Variants in GRIN2A observed in about 807,000 individuals in gnomAD.
GRIN2A encodes the protein glutamate ionotropic receptor NMDA type subunit 2A, also known as glutamate receptor ionotropic, NMDA 2A.
In GRIN2A, 22 loss-of-function variants were observed where a neutral mutation model predicts 113.4. That is an observed-to-expected ratio of 0.19 (90% CI 0.14 to 0.28). The LOEUF is 0.28. Ranked by LOEUF, GRIN2A falls within the 10% of genes least tolerant of loss-of-function variation. The pLI, the probability that GRIN2A is intolerant of heterozygous loss-of-function variation, is 1.00. For missense variants in GRIN2A, 1,502 were observed against 1,887.0 expected (o/e 0.80, Z 3.78); for synonymous variants, 827 against 738.4 (o/e 1.12, Z -1.94).
At chr16:10,037,644 G>A (rs2047060257) in intron 2 of GRIN2A, among the ~76,000 whole-genome samples, 1 of 151,932 alleles carries the variant, frequency 6.6e-6, no homozygotes, top group African/African-American at 2.4e-5. Context: ...TTATTTTTTA[G>A]AGACAGGGTC....
chr16:10,045,624 C>T (rs1313860640), intron 2 of GRIN2A, among the ~76,000 whole-genome samples: 1 of 152,204 alleles, frequency 6.6e-6, no homozygotes, highest in Admixed American at 6.5e-5. Context: ...AGACCAATGG[C>T]CCATTCTGGC....
chr16:9,937,640 T>G (rs1435557388), intron 3 of GRIN2A: 1 of 374,656 alleles, frequency 2.7e-6, no homozygotes, highest in Non-Finnish European at 5.0e-6. Context: ...TTCAAATCTT[T>G]ATGAGTTACA....
chr16:10,124,557 G>C (rs561971262), intron 2 of GRIN2A, among the ~76,000 whole-genome samples: 1 of 152,324 alleles, frequency 6.6e-6, no homozygotes, highest in Non-Finnish European at 1.5e-5. Context: ...CTCAGATACA[G>C]ACAGGGGCAC....
intron 7 of GRIN2A, among the ~76,000 whole-genome samples, chr16:9,835,445 T>C (rs1213868543): frequency 3.3e-5 from 5 of 152,142 alleles, no homozygotes; most frequent in Non-Finnish European, 7.4e-5. Context: ...ACTATTCAAC[T>C]TGATTGAGGA....
chr16:10,129,802 C>G (rs542801905), intron 2 of GRIN2A, among the ~76,000 whole-genome samples: 250 of 152,308 alleles, frequency 1.6e-3, no homozygotes, highest in African/African-American at 4.6e-3. Context: ...GTTTTGTCAT[C>G]GTTCTTACTC....
chr16:9,780,163 A>C (rs574922435), intron 11 of GRIN2A, among the ~76,000 whole-genome samples: 10 of 152,364 alleles, frequency 6.6e-5, no homozygotes, highest in Non-Finnish European at 1.2e-4. Context: ...CACTGCTGGC[A>C]GGAATGTAAA....
intron 8 of GRIN2A, among the ~76,000 whole-genome samples, chr16:9,832,952 C>G (rs191372944): frequency 6.6e-6 from 1 of 152,174 alleles, no homozygotes; most frequent in East Asian, 1.9e-4. Context: ...TTGAGTATTT[C>G]CAATATTAAA....
chr16:10,173,021 C>A (rs1307568577), intron 2 of GRIN2A, among the ~76,000 whole-genome samples: 2 of 152,176 alleles, frequency 1.3e-5, no homozygotes, highest in Non-Finnish European at 2.9e-5. Flanking sequence ...GCAAACCCAC[C>A]AGACCACAGC....
At position 9,809,109 on chromosome 16, in the gene GRIN2A, G is replaced by T. The variant is rs552382489; in HGVS notation, c.2169-10645C>A. Among the ~76,000 whole-genome samples, 396 of 133,042 alleles carry T rather than the reference G, an allele frequency of 3.0e-3. 5 individuals carry two copies. Among genetic ancestry groups the T allele is most frequent in the Non-Finnish European group, 7.4e-4 (46 of 62,254 alleles). 87.3% of individuals were successfully genotyped at this position (133,042 alleles called of 152,430 possible). A position where few individuals can be genotyped will look rare whatever the true frequency, so the allele number is the denominator to read the frequency against. On this transcript the variant is annotated intron_variant, in intron 10 of 12. Transcript: ENST00000330684. ...TCCACAGAATAAAATTTTATTCTGT[G>T]TGGACATATATTAATATATACAAAT...
chr16:10,159,220 A>G (rs1097844), intron 2 of GRIN2A, among the ~76,000 whole-genome samples: 18,475 of 152,142 alleles, frequency 0.12, 1,583 homozygotes, highest in East Asian at 0.37. Flanking sequence ...TCCGTCCCTC[A>G]TGTTCCTTCC....
At chr16:9,802,972 T>C (rs1903456594) in intron 10 of GRIN2A, among the ~76,000 whole-genome samples, 1 of 152,068 alleles carries the variant, frequency 6.6e-6, no homozygotes, top group Admixed American at 6.5e-5. Context: ...AAAGTCTACT[T>C]TTGATCCGTT....
intron 11 of GRIN2A, 23 bp downstream of exon 11, chr16:9,798,254 A>G (rs1327332052): frequency 1.2e-6 from 2 of 1,603,910 alleles, no homozygotes; most frequent in East Asian, 2.2e-5. Context: ...CCCCCTAAAG[A>G]AAGGGGTCAC....
intron 2 of GRIN2A, among the ~76,000 whole-genome samples, chr16:9,947,041 A>C (rs1465742161): frequency 6.6e-6 from 1 of 152,216 alleles, no homozygotes; most frequent in African/African-American, 2.4e-5. Context: ...GCTAGGAAAA[A>C]AATAATGTAA....
chr16:9,842,928 C>A (rs1463120133), intron 5 of GRIN2A, among the ~76,000 whole-genome samples: 2 of 136,450 alleles, frequency 1.5e-5, no homozygotes, highest in East Asian at 4.2e-4. Context: ...GTGACTCTGT[C>A]GAGAGAAAGA....
At chr16:9,976,437 G>T (rs1328730764) in intron 2 of GRIN2A, among the ~76,000 whole-genome samples, 1 of 152,162 alleles carries the variant, frequency 6.6e-6, no homozygotes. Flanking sequence ...AGATCCCGGT[G>T]TTCTGATCCT....
intron 9 of GRIN2A, among the ~76,000 whole-genome samples, chr16:9,827,952 T>A (rs937423457): frequency 3.3e-5 from 5 of 152,212 alleles, no homozygotes; most frequent in Admixed American, 1.3e-4. Context: ...AATTTGTTTC[T>A]TCCTTGATGT....
chr16:10,041,976 A>T (rs2047174256), intron 2 of GRIN2A, among the ~76,000 whole-genome samples: 2 of 152,110 alleles, frequency 1.3e-5, no homozygotes. Flanking sequence ...TTACACCATA[A>T]TTAGCAAGAC....
chr16:9,993,398 T>A (rs1202142513), intron 2 of GRIN2A, among the ~76,000 whole-genome samples: 1 of 151,600 alleles, frequency 6.6e-6, no homozygotes. Flanking sequence ...AAAAAATTTT[T>A]AAAAAGAAAT....
At chr16:10,153,109 A>C (rs1033164172) in intron 2 of GRIN2A, among the ~76,000 whole-genome samples, 1 of 152,182 alleles carries the variant, frequency 6.6e-6, no homozygotes, top group African/African-American at 2.4e-5. Flanking sequence ...TTTTGTGTCC[A>C]TGTAGGCCTA....
Sources: allele counts gnomAD v4.1 joint callset (sites outside exome capture counted in the v4.1 genomes callset), GRCh38; gene constraint gnomAD v4.1.1; transcripts MANE v1.5; gene names NCBI Gene and HGNC (gene_info 2026-07-23, HGNC 2026-07-21).